Variants in RASL12 observed in about 807,000 individuals in gnomAD.
The protein encoded by RASL12 is ras-like protein family member 12.
In RASL12, 16 loss-of-function variants were observed where a neutral mutation model predicts 22.9. The observed-to-expected ratio is 0.70, with a 90% CI of 0.47 to 1.06. RASL12 has a LOEUF of 1.06. RASL12 is among the 50% of genes least tolerant of loss of function. The probability of loss-of-function intolerance (pLI) is 0.00; values close to 1 mark genes in which losing one functional copy is unlikely to be tolerated. For missense variants in RASL12, 306 were observed against 353.1 expected (o/e 0.87, Z 1.07); for synonymous variants, 159 against 152.2 (o/e 1.04, Z -0.33).
downstream of RASL12, chr15:65,049,222 T>C (rs1018914485): frequency 1.3e-5 from 2 of 150,476 alleles, no homozygotes; most frequent in Admixed American, 1.3e-4. Context: ...TTATTATTAA[T>C]AGTTGGGATG....
At position 65,058,610 on chromosome 15, in the gene RASL12, G is replaced by A. The variant is rs1358418745; in HGVS notation, c.242C>T (p.Pro81Leu). Residue 81 changes from proline (P) to leucine (L), a missense_variant, in exon 4 of 5, where the codon CCC (proline) becomes CTC (leucine). Pro to Leu is a moderately conservative substitution (Grantham distance 98). Coordinates refer to ENST00000220062, the MANE Select transcript of RASL12 (RefSeq NM_016563.4). ...GTTCAGGTAGCGCTCGCAGTTCCTG[G>A]GGGTGTCCTGGGGTGAAGGTGAGAA... The part of the protein sequence containing the change: ...RVMDTADLDT[P>L]RNCERYLNWA... 4 of 1,535,628 alleles carry A rather than the reference G, an allele frequency of 2.6e-6. No homozygotes were observed. In the South Asian group the frequency reaches 4.9e-5, roughly 19 times the overall value.
upstream of RASL12, among the ~76,000 whole-genome samples, chr15:65,070,650 G>A (rs911260967): frequency 6.6e-6 from 1 of 152,172 alleles, no homozygotes; most frequent in Non-Finnish European, 1.5e-5. Context: ...GCAAATATAG[G>A]TCTAGACACG....
At chr15:65,075,400 A>G (rs1404010145) in intron 1 of RASL12, among the ~76,000 whole-genome samples, 1 of 152,240 alleles carries the variant, frequency 6.6e-6, no homozygotes. Context: ...CCAAGGGCTG[A>G]GGAATGCGAG....
chr15:65,050,989 G>A (rs1170712260), downstream of RASL12, among the ~76,000 whole-genome samples: 1 of 151,616 alleles, frequency 6.6e-6, no homozygotes, highest in Non-Finnish European at 1.5e-5. Flanking sequence ...GGATTACAGT[G>A]TATGCCACCA....
chr15:65,076,144 G>A (rs1053541670), intron 1 of RASL12, among the ~76,000 whole-genome samples: 2 of 152,226 alleles, frequency 1.3e-5, no homozygotes, highest in Non-Finnish European at 2.9e-5. Flanking sequence ...GGCCAGATAA[G>A]AGAATAAACG....
chr15:65,065,950 C>T (rs532084409), intron 1 of RASL12, among the ~76,000 whole-genome samples: 27 of 151,808 alleles, frequency 1.8e-4, no homozygotes, highest in African/African-American at 6.3e-4. Context: ...AAAGCAAAGA[C>T]CAGCCAACTA....
the RASL12 span, among the ~76,000 whole-genome samples, chr15:65,047,767 T>C: frequency 8.1e-5 from 12 of 148,424 alleles, no homozygotes; most frequent in Non-Finnish European, 1.6e-4. Flanking sequence ...GGTAGGCAGA[T>C]AGATAGATAG....
downstream of RASL12, chr15:65,053,295 T>C (rs1038791104): frequency 2.1e-6 from 3 of 1,433,238 alleles, no homozygotes; most frequent in Non-Finnish European, 2.7e-6. Flanking sequence ...TCTTTTTTTT[T>C]TTCTTAGCAG....
At chr15:65,046,335 T>C in the RASL12 span, among the ~76,000 whole-genome samples, 1 of 151,992 alleles carries the variant, frequency 6.6e-6, no homozygotes, top group South Asian at 2.1e-4. Context: ...CTGGGCATGG[T>C]GGTGGATGCC....
intron 2 of RASL12, among the ~76,000 whole-genome samples, chr15:65,060,371 C>T (rs2086787174): frequency 6.6e-6 from 1 of 152,152 alleles, no homozygotes; most frequent in East Asian, 1.9e-4. Context: ...TTCCTGTGTA[C>T]TCTTCACCCA....
chr15:65,052,628 C>G (rs146786668), downstream of RASL12, among the ~76,000 whole-genome samples: 62 of 152,126 alleles, frequency 4.1e-4, no homozygotes, highest in African/African-American at 1.4e-3. Context: ...AACACCTGGC[C>G]TCAAGTGATC....
chr15:65,049,902 T>G, downstream of RASL12: 1 of 782,136 alleles, frequency 1.3e-6, no homozygotes, highest in Admixed American at 3.1e-5. Flanking sequence ...TCCAGGGGTC[T>G]TCACGGCTTC....
chr15:65,068,945 G>A (rs527449236), upstream of RASL12, among the ~76,000 whole-genome samples: 447 of 152,336 alleles, frequency 2.9e-3, 2 homozygotes, highest in Non-Finnish European at 3.8e-3. This position sits in a 1 kb window ranked among gnomAD's most constrained non-coding sequence, Gnocchi z 4.2. Context: ...TCAGCCCTGG[G>A]CTCCAGGCCT....
At chr15:65,050,230 A>T, downstream of RASL12, 1 of 732,946 alleles carries the variant, frequency 1.4e-6, no homozygotes, top group South Asian at 1.8e-5. Context: ...ACAGGGAATC[A>T]GTCGGGGTGT....
At chr15:65,049,555 C>G (rs1477547774), downstream of RASL12, 2 of 153,006 alleles carry the variant, frequency 1.3e-5, no homozygotes, top group African/African-American at 4.8e-5. Context: ...GGACAAGTTG[C>G]TATGGCAACG....
intron 2 of RASL12, among the ~76,000 whole-genome samples, chr15:65,063,618 A>G (rs754134944): frequency 3.3e-5 from 5 of 152,184 alleles, no homozygotes; most frequent in Non-Finnish European, 5.9e-5. Context: ...CAAATCTCTT[A>G]GGGACTGTCA....
At chr15:65,066,373 C>T (rs1265699864) in intron 1 of RASL12, among the ~76,000 whole-genome samples, 2 of 152,058 alleles carry the variant, frequency 1.3e-5, no homozygotes, top group African/African-American at 4.8e-5. Flanking sequence ...GAAAAATTAA[C>T]CAGGCATGGT....
intron 1 of RASL12, among the ~76,000 whole-genome samples, chr15:65,074,462 C>G (rs1424209675): frequency 2.0e-5 from 3 of 151,816 alleles, no homozygotes; most frequent in Non-Finnish European, 4.4e-5. Flanking sequence ...GGCACGAGCT[C>G]GGCTCACTGC....
rs1003679936 is a variant in RASL12 at position 65,054,002 on chromosome 15, A to T, written c.*897T>A. 3 of 985,908 alleles carry T rather than the reference A, an allele frequency of 3.0e-6. No individual in the cohort carries two copies. Among genetic ancestry groups the T allele is most frequent in the Non-Finnish European group, 3.6e-6 (3 of 829,964 alleles). 61.1% of individuals were successfully genotyped at this position (985,908 alleles called of 1,614,324 possible). On this transcript the variant is annotated 3_prime_UTR_variant, in exon 5 of 5. Coordinates refer to ENST00000220062, the MANE Select transcript of RASL12 (RefSeq NM_016563.4). ...CCTGGGTCCTGCCAAACCAGATGAC[A>T]AACGGGTATACTGTGTTTCTACCTG...
Sources: gnomAD v4.1 joint callset for allele counts (sites outside exome capture counted in the v4.1 genomes callset) on GRCh38, gnomAD v4.1.1 for gene constraint, Gnocchi (gnomAD v3.1) non-coding constraint, MANE v1.5 for transcripts, NCBI Gene and HGNC (gene_info 2026-07-23, HGNC 2026-07-21) for gene names.